Variants in DLGAP1 observed in about 807,000 individuals in gnomAD.
DLGAP1 encodes the protein DLG associated protein 1, also known as disks large-associated protein 1.
A neutral mutation model predicts 90.8 loss-of-function variants in DLGAP1; 11 were observed. The ratio of observed to expected loss-of-function variants is 0.12; its 90% confidence interval spans 0.08 to 0.20. DLGAP1 has a LOEUF of 0.20. DLGAP1 is among the 10% of genes least tolerant of loss of function. DLGAP1 has a pLI of 1.00. For missense variants in DLGAP1, 1,050 were observed against 1,333.8 expected, an observed-to-expected ratio of 0.79 and a Z score of 3.31; for synonymous variants, 558 against 540.7, an observed-to-expected ratio of 1.03 and a Z score of -0.44.
At chr18:4,042,848 C>T (rs913896244) in intron 2 of DLGAP1, among the ~76,000 whole-genome samples, 16 of 152,130 alleles carry the variant, frequency 1.1e-4, no homozygotes, top group African/African-American at 3.4e-4. Flanking sequence ...TTAAAACATC[C>T]GAGTTTCCCC....
At chr18:4,040,170 G>A (rs1416823719) in intron 2 of DLGAP1, among the ~76,000 whole-genome samples, 1 of 152,138 alleles carries the variant, frequency 6.6e-6, no homozygotes, top group Non-Finnish European at 1.5e-5. Flanking sequence ...CCACTCATCC[G>A]CTGTGTGATC....
chr18:4,422,546 C>CAA (rs2083063986), intron 1 of DLGAP1, among the ~76,000 whole-genome samples: 1 of 151,766 alleles, frequency 6.6e-6, no homozygotes, highest in Admixed American at 6.6e-5. Flanking sequence ...AATTTTTCTT[C>CAA]AAAGTACATT....
At chr18:3,877,684 A>G (rs558049283) in intron 4 of DLGAP1, among the ~76,000 whole-genome samples, 2 of 152,314 alleles carry the variant, frequency 1.3e-5, no homozygotes, top group South Asian at 4.1e-4. Context: ...AAGTTAAGAG[A>G]CTGGGTTCTA....
intron 1 of DLGAP1, among the ~76,000 whole-genome samples, chr18:4,231,856 C>T (rs1390289797): frequency 6.6e-6 from 1 of 152,082 alleles, no homozygotes; most frequent in Non-Finnish European, 1.5e-5. Context: ...TAAATGTCTA[C>T]AAGATGCACA....
At position 3,534,629 on chromosome 18, in the gene DLGAP1, A is replaced by G; in HGVS notation, c.2058-14T>C. 1.3e-6 allele frequency: 2 copies of G among 1,524,722 alleles called. No homozygotes were observed. The highest frequency in any genetic ancestry group is 1.8e-6 in the Non-Finnish European group (2 of 1,139,192). The allele number at this position is 1,524,722 out of a possible 1,614,324, so 94.4% of individuals were successfully genotyped here. A position where few individuals can be genotyped will look rare whatever the true frequency, so the allele number is the denominator to read the frequency against. On this transcript the variant is annotated splice_polypyrimidine_tract_variant and intron_variant, in intron 9 of 12. Transcript: ENST00000315677. ...AACCTGCGGAAGCTTGGGAGAATAG[A>G]AAAAAGAAATTTAGTTAGAGGATAT... is the stretch of plus-strand genomic sequence containing the variant.
At chr18:3,820,998 A>C (rs1042497980) in intron 4 of DLGAP1, among the ~76,000 whole-genome samples, 2 of 152,252 alleles carry the variant, frequency 1.3e-5, no homozygotes, top group African/African-American at 4.8e-5. Flanking sequence ...ATTGAGATTC[A>C]AAAAGGTAAA....
chr18:4,067,542 A>G (rs2075387550), intron 2 of DLGAP1, among the ~76,000 whole-genome samples: 1 of 151,994 alleles, frequency 6.6e-6, no homozygotes, highest in South Asian at 2.1e-4. Flanking sequence ...CTTTGTAGCA[A>G]TAAGATACTA....
intron 7 of DLGAP1, among the ~76,000 whole-genome samples, chr18:3,626,647 T>TA (rs1432663453): frequency 6.6e-6 from 1 of 150,388 alleles, no homozygotes; most frequent in Admixed American, 6.6e-5. Context: ...AGCTCATGCC[T>TA]ATCATCCCAC....
Position 3,498,623 on chromosome 18 carries a change from C to T in DLGAP1, c.*562G>A, listed in dbSNP as rs538249818. On this transcript the variant is annotated 3_prime_UTR_variant, in exon 13 of 13. Transcript: ENST00000315677. ...CCCCAGGCCAGGCTTGGTCCCCTCTCTCTGTGTCCCTCATGGATTCCAGTG... is the reference window on the plus strand; with the variant it reads ...CCCCAGGCCAGGCTTGGTCCCCTCTTTCTGTGTCCCTCATGGATTCCAGTG... The T allele has an allele frequency of 6.6e-6, 1 of 152,368 alleles. No individual in the cohort carries two copies. The highest frequency in any genetic ancestry group is 2.4e-5 in the African/African-American group (1 of 41,548). 9.4% of individuals were successfully genotyped at this position (152,368 alleles called of 1,614,324 possible).
intron 5 of DLGAP1, among the ~76,000 whole-genome samples, chr18:3,755,181 A>C: frequency 6.6e-6 from 1 of 152,094 alleles, no homozygotes; most frequent in South Asian, 2.1e-4. Context: ...TTTCACTAGA[A>C]AAAATATATA....
At chr18:4,029,965 TC>T in intron 2 of DLGAP1, among the ~76,000 whole-genome samples, 2 of 152,312 alleles carry the variant, frequency 1.3e-5, no homozygotes, top group East Asian at 3.9e-4. Flanking sequence ...GCCTTTCTCC[TC>T]CCACTAGAAT....
chr18:3,825,108 T>C (rs778537022), intron 4 of DLGAP1, among the ~76,000 whole-genome samples: 4 of 152,214 alleles, frequency 2.6e-5, no homozygotes, highest in Non-Finnish European at 4.4e-5. Context: ...ATGAGTATGA[T>C]ACACTCAATA....
At chr18:4,394,186 G>C (rs2082394427) in intron 1 of DLGAP1, among the ~76,000 whole-genome samples, 1 of 152,140 alleles carries the variant, frequency 6.6e-6, no homozygotes, top group African/African-American at 2.4e-5. Flanking sequence ...AAAGAAGAAA[G>C]CCACCGTCAG....
chr18:3,879,688 G>T lies in DLGAP1; in HGVS notation c.381C>A (p.Ala127=), dbSNP rs1283109626. ...CGGGGCTGTCGCTGCGGTGCTCCAC[G>T]GCCGTGCGCTTGTACTGCAGGGTGT... The part of the protein sequence containing the change: ...GYHTLQYKRT[A]VEHRSDSPGR... Residue 127 remains alanine, a synonymous_variant, in exon 4 of 13, where the codon GCC becomes GCA. Coordinates refer to ENST00000315677, the MANE Select transcript of DLGAP1 (RefSeq NM_004746.4). The surrounding 1 kb of genome is among the most constrained non-coding windows in gnomAD (Gnocchi z 6.6). 14 of 1,607,566 alleles carry T rather than the reference G, an allele frequency of 8.7e-6. No homozygotes were observed. The East Asian group carries it at 2.7e-4, about 31-fold the overall frequency.
At chr18:3,666,001 C>A (rs1220662233) in intron 7 of DLGAP1, among the ~76,000 whole-genome samples, 1 of 152,152 alleles carries the variant, frequency 6.6e-6, no homozygotes, top group African/African-American at 2.4e-5. Context: ...CAGGCCCAGA[C>A]TGGAATTACC....
intron 5 of DLGAP1, among the ~76,000 whole-genome samples, chr18:3,760,292 G>A (rs542638627): frequency 1.3e-5 from 2 of 152,236 alleles, no homozygotes; most frequent in South Asian, 2.1e-4. Context: ...CAGGAGGGGC[G>A]ACACAGGGCC....
chr18:3,542,456 G>A (rs866970987), intron 9 of DLGAP1, among the ~76,000 whole-genome samples: 22 of 152,330 alleles, frequency 1.4e-4, no homozygotes, highest in South Asian at 6.2e-4. Flanking sequence ...TCTGGATGCT[G>A]AAGGAAAAGA....
chr18:3,498,958 C>T lies in DLGAP1; in HGVS notation c.*227G>A. ...ATGAGGCAGGGCGACGGCATCAGGA[C>T]AGGGGGCGAAGCTCGGTGAAGAAGG... On this transcript the variant is annotated 3_prime_UTR_variant, in exon 13 of 13. Coordinates refer to ENST00000315677, the MANE Select transcript of DLGAP1 (RefSeq NM_004746.4). 1.8e-6 allele frequency: 1 copy of T among 555,140 alleles called. No homozygotes were observed. The highest frequency in any genetic ancestry group is 3.1e-6 in the Non-Finnish European group (1 of 317,640). The allele number at this position is 555,140 out of a possible 1,614,324, so 34.4% of individuals were successfully genotyped here.
At chr18:4,377,017 G>T (rs993847000) in intron 1 of DLGAP1, among the ~76,000 whole-genome samples, 1 of 152,156 alleles carries the variant, frequency 6.6e-6, no homozygotes, top group African/African-American at 2.4e-5. Flanking sequence ...TCCAGTGATT[G>T]AATAGAAAGA....
Sources: gnomAD v4.1 joint callset for allele counts (sites outside exome capture counted in the v4.1 genomes callset) on GRCh38, gnomAD v4.1.1 for gene constraint, Gnocchi (gnomAD v3.1) non-coding constraint, MANE v1.5 for transcripts, NCBI Gene and HGNC (gene_info 2026-07-23, HGNC 2026-07-21) for gene names.